The following KPNA2 variants were observed in gnomAD, a reference collection of about 807,000 sequenced individuals.
KPNA2 encodes the protein karyopherin subunit alpha 2, also known as importin subunit alpha-1.
Under a neutral mutation model 53.7 loss-of-function variants are expected in KPNA2, and 20 were observed. The ratio of observed to expected loss-of-function variants is 0.37; its 90% CI spans 0.26 to 0.54. The LOEUF is 0.54. KPNA2 is among the 20% of genes least tolerant of loss of function. The probability of loss-of-function intolerance (pLI) is 0.83; values close to 1 mark genes in which losing one functional copy is unlikely to be tolerated. For synonymous variants in KPNA2, 238 were observed against 227.5 expected, an observed-to-expected ratio of 1.05 and a Z score of -0.42; for missense variants, 515 against 640.3, an observed-to-expected ratio of 0.80 and a Z score of 2.11.
In KPNA2 at chr17:68,043,493, C is replaced by G. The variant is rs542738582; in HGVS notation, c.930+130C>G. ...CCAAGGCAGGTGGATCACCTGAGGT[C>G]AGGAGTTCGAGACCAGCCTGGCCAA... On this transcript the variant is annotated intron_variant, in intron 7 of 10. Coordinates refer to ENST00000330459, the MANE Select transcript of KPNA2 (RefSeq NM_002266.4). The G allele has an allele frequency of 3.7e-4, 310 of 839,256 alleles. 2 individuals are homozygous for G. The African/African-American group carries it at 4.1e-3, about 11-fold the overall frequency. 52.0% of individuals were successfully genotyped at this position (839,256 alleles called of 1,614,324 possible). A position where few individuals can be genotyped will look rare whatever the true frequency, so the allele number is the denominator to read the frequency against.
intron 3 of KPNA2, 56 bp downstream of exon 3, chr17:68,037,551 C>T: frequency 6.6e-7 from 1 of 1,517,820 alleles, no homozygotes; most frequent in South Asian, 1.2e-5. Flanking sequence ...TCAGTAGGGA[C>T]TTTTCTTAGA....
chr17:68,041,419 T>C (rs2144214009), intron 4 of KPNA2, among the ~76,000 whole-genome samples: 1 of 152,036 alleles, frequency 6.6e-6, no homozygotes, highest in South Asian at 2.1e-4. Flanking sequence ...ATTAGCTGGG[T>C]GTGGTGGCAC....
Position 68,043,864 on chromosome 17 carries a change from T to C in KPNA2, c.957T>C (p.Asn319=). The C allele has an allele frequency of 6.2e-7, 1 of 1,611,346 alleles. No individual in the cohort carries two copies. Among genetic ancestry groups the C allele is most frequent in the Non-Finnish European group, 8.5e-7 (1 of 1,177,764 alleles). ...IVTPALRAIG[N]IVTGTDEQTQ... is the part of the protein sequence containing the mutation. ...CTCCTGCCCTAAGAGCCATAGGGAATATTGTCACTGGTACAGATGAACAGA... is the reference window on the plus strand; with the variant it reads ...CTCCTGCCCTAAGAGCCATAGGGAACATTGTCACTGGTACAGATGAACAGA... Residue 319 remains asparagine (N), a synonymous_variant, in exon 8 of 11, where the codon AAT becomes AAC. Transcript: ENST00000330459.
intron 3 of KPNA2, among the ~76,000 whole-genome samples, chr17:68,039,790 A>C (rs2071232997): frequency 1.4e-5 from 2 of 144,450 alleles, no homozygotes; most frequent in Admixed American, 1.4e-4. Context: ...CCAAAAAAAA[A>C]AGTCGGGCAT....
At position 68,043,290 on chromosome 17, in the gene KPNA2, T is replaced by C. The variant is rs2144218116; in HGVS notation, c.857T>C (p.Ile286Thr). 1 of 1,614,186 alleles carries C rather than the reference T, an allele frequency of 6.2e-7. No individual in the cohort carries two copies. Among genetic ancestry groups the C allele is most frequent in the Non-Finnish European group, 8.5e-7 (1 of 1,180,016 alleles). Residue 286 changes from isoleucine to threonine, a missense_variant, in exon 7 of 11, where the codon ATT (isoleucine) becomes ACT (threonine). By Grantham distance (89) the Ile-to-Thr change is moderately conservative (BLOSUM62 -1). Transcript: ENST00000330459. ...CTTACTGATGGTCCAAATGAACGAATTGGCATGGTGGTGAAAACAGGAGTT... is the reference window on the plus strand; with the variant it reads ...CTTACTGATGGTCCAAATGAACGAACTGGCATGGTGGTGAAAACAGGAGTT... ...SYLTDGPNERIGMVVKTGVVP... is the reference protein window; with the variant it reads ...SYLTDGPNERTGMVVKTGVVP...
rs781957997 is a variant in KPNA2, at chr17:68,045,859, C to A, written c.1435C>A (p.His479Asn). Residue 479 changes from histidine to asparagine, a missense_variant, in exon 10 of 11, where the codon CAT (histidine) becomes AAT (asparagine). Physicochemically the swap from His to Asn is moderately conservative, Grantham distance 68. Coordinates refer to ENST00000330459, the MANE Select transcript of KPNA2 (RefSeq NM_002266.4). ...GLDKIEALQN[H>N]ENESVYKASL... is the part of the protein sequence containing the mutation. The stretch of plus-strand genomic sequence containing the variant: ...AGACAAAATTGAAGCTCTACAAAAC[C>A]ATGAAAATGAGTCTGTGTATAAGGC... The A allele has an allele frequency of 7.5e-6, 12 of 1,607,808 alleles. No homozygotes were observed. The South Asian group carries it at 8.9e-5, about 12-fold the overall frequency.
Position 68,037,194 on chromosome 17 carries a change from GA to G in KPNA2, c.66del (p.Asp23ThrfsTer5). 6.2e-7 allele frequency: 1 copy of G among 1,612,800 alleles called. No homozygotes were observed. Among genetic ancestry groups the G allele is most frequent in the Non-Finnish European group, 8.5e-7 (1 of 1,179,310 alleles). On this transcript the variant is annotated frameshift_variant, in exon 2 of 11. Transcript: ENST00000330459. LOFTEE classifies it high-confidence loss of function. ...AARLHRFKNK[G>X]KDSTEMRRRR... Reference sequence around the variant, plus strand: ...CGTCTTCACAGATTCAAGAACAAGGGAAAAGACAGTACAGTGAGTACCTTCT... The same window carrying G: ...CGTCTTCACAGATTCAAGAACAAGGGAAAGACAGTACAGTGAGTACCTTCT...
Position 68,037,583 on chromosome 17 carries a change from TC to T in KPNA2, c.213+89del, listed in dbSNP as rs1368596552. On this transcript the variant is annotated intron_variant, in intron 3 of 10. Transcript: ENST00000330459. The stretch of plus-strand genomic sequence containing the variant: ...TAGAAATTCAAGTAAACTTAACATT[TC>T]TAGTCTTAACGGTTTTAACTATCTG... 6.2e-6 allele frequency: 8 copies of T among 1,295,832 alleles called. No individual in the cohort carries two copies. The African/African-American group carries it at 1.2e-4, about 19-fold the overall frequency. 80.3% of individuals were successfully genotyped at this position (1,295,832 alleles called of 1,614,324 possible).
In KPNA2 at chr17:68,044,460, A is replaced by C. The variant is rs1254791812; in HGVS notation, c.1304A>C (p.Lys435Thr). The C allele has an allele frequency of 1.9e-6, 3 of 1,613,890 alleles. No individual in the cohort carries two copies. Among genetic ancestry groups the C allele is most frequent in the African/African-American group, 1.3e-5 (1 of 74,936 alleles). ...LMNLLTAKDTKIILVILDAIS... is the reference protein window; with the variant it reads ...LMNLLTAKDTTIILVILDAIS... ...AACCTCTTAACTGCAAAAGATACCA[A>C]GATTATTCTGGTTATCCTGGATGCC... The change falls in exon 9 of 11, where the codon AAG becomes ACG. Residue 435 changes from lysine (K) to threonine (T), a missense_variant. Coordinates refer to ENST00000330459, the MANE Select transcript of KPNA2 (RefSeq NM_002266.4).
Position 68,040,701 on chromosome 17 carries a change from T to C in KPNA2, c.237T>C (p.Asp79=). The C allele has an allele frequency of 6.2e-7, 1 of 1,613,284 alleles. No individual in the cohort carries two copies. Among genetic ancestry groups the C allele is most frequent in the Non-Finnish European group, 8.5e-7 (1 of 1,179,286 alleles). The change falls in exon 4 of 11, where the codon GAT becomes GAC. Residue 79 remains aspartate (D), a synonymous_variant. Transcript: ENST00000330459. ...AGGGCACTGTAAATTGGTCTGTTGA[T>C]GACATTGTCAAAGGCATAAATAGCA... ...NNQGTVNWSV[D]DIVKGINSSN... is the part of the protein sequence containing the mutation.
Position 68,043,880 on chromosome 17 carries a change from G to T in KPNA2, c.973G>T (p.Asp325Tyr), listed in dbSNP as rs1555705015. 6.2e-7 allele frequency: 1 copy of T among 1,613,346 alleles called. No individual in the cohort carries two copies. Among genetic ancestry groups the T allele is most frequent in the South Asian group, 1.1e-5 (1 of 91,056 alleles). The change falls in exon 8 of 11, where the codon GAT (aspartate) becomes TAT (tyrosine). Residue 325 changes from aspartate (D) to tyrosine (Y), a missense_variant. Transcript: ENST00000330459. ...CATAGGGAATATTGTCACTGGTACA[G>T]ATGAACAGACTCAGGTTGTGATTGA... ...RAIGNIVTGT[D>Y]EQTQVVIDAG...
chr17:68,042,817 T>C, intron 5 of KPNA2, 88 bp from the exon 6 acceptor site: 1 of 980,296 alleles, frequency 1.0e-6, no homozygotes. Context: ...TGAGCCGAGA[T>C]CGCGCCACTG....
At position 68,040,706 on chromosome 17, in the gene KPNA2, T is replaced by C; in HGVS notation, c.242T>C (p.Ile81Thr). 1 of 1,613,574 alleles carries C rather than the reference T, an allele frequency of 6.2e-7. No individual in the cohort carries two copies. The highest frequency in any genetic ancestry group is 1.1e-5 in the South Asian group (1 of 91,066). ...QGTVNWSVDD[I>T]VKGINSSNVE... ...ACTGTAAATTGGTCTGTTGATGACATTGTCAAAGGCATAAATAGCAGCAAT... is the reference window on the plus strand; with the variant it reads ...ACTGTAAATTGGTCTGTTGATGACACTGTCAAAGGCATAAATAGCAGCAAT... Residue 81 changes from isoleucine to threonine, a missense_variant, in exon 4 of 11, where the codon ATT becomes ACT. Physicochemically the swap from Ile to Thr is moderately conservative, Grantham distance 89. Transcript: ENST00000330459.
At chr17:68,042,402 G>T (rs782756892) in intron 5 of KPNA2, 49 bp downstream of exon 5, 58 of 1,579,050 alleles carry the variant, frequency 3.7e-5, no homozygotes, top group Middle Eastern at 3.3e-4. Context: ...ATCGTAATTA[G>T]TTGGAAGAAA....
intron 3 of KPNA2, among the ~76,000 whole-genome samples, chr17:68,037,776 A>G (rs2144206787): frequency 6.6e-6 from 1 of 151,130 alleles, no homozygotes; most frequent in South Asian, 2.1e-4. Flanking sequence ...GTCCAGAGCC[A>G]GCCAGTTTCT....
chr17:68,039,372 C>T (rs956522309), intron 3 of KPNA2, among the ~76,000 whole-genome samples: 9 of 151,748 alleles, frequency 5.9e-5, no homozygotes, highest in Non-Finnish European at 8.8e-5. Flanking sequence ...CCACCCGCCT[C>T]GGCCTCCCAA....
At chr17:68,045,230 G>GAATAA (rs1568278311) in intron 9 of KPNA2, among the ~76,000 whole-genome samples, 1 of 151,720 alleles carries the variant, frequency 6.6e-6, no homozygotes, top group Non-Finnish European at 1.5e-5. Flanking sequence ...AAGCAAATCT[G>GAATAA]TTTTTTTCAT....
intron 3 of KPNA2, among the ~76,000 whole-genome samples, chr17:68,038,296 C>T (rs1352583352): frequency 2.0e-5 from 3 of 152,024 alleles, no homozygotes; most frequent in Non-Finnish European, 2.9e-5. Context: ...TTAGTAGAGG[C>T]GGGGTTTCAC....
chr17:68,039,123 C>CT (rs1166501651), intron 3 of KPNA2, among the ~76,000 whole-genome samples: 45 of 148,136 alleles, frequency 3.0e-4, no homozygotes, highest in East Asian at 1.2e-3. Context: ...AATATGCTTC[C>CT]TTTTTTTTTT....
Sources: allele counts gnomAD v4.1 joint callset (sites outside exome capture counted in the v4.1 genomes callset), GRCh38; gene constraint gnomAD v4.1.1; transcripts MANE v1.5; gene names NCBI Gene and HGNC (gene_info 2026-07-23, HGNC 2026-07-21).